Variants in AGL observed in about 807,000 individuals in gnomAD.
AGL encodes glycogen debranching enzyme.
Under a neutral mutation model 199.3 loss-of-function variants are expected in AGL, and 128 were observed. That is an observed-to-expected ratio of 0.64 (90% CI 0.56 to 0.74). The LOEUF (loss-of-function observed/expected upper bound fraction) is 0.74, where lower values mean the gene tolerates loss of function less well. AGL is among the 30% of genes least tolerant of loss of function. The pLI is 0.00. For missense variants in AGL, 1,809 were observed against 1,820.8 expected, an observed-to-expected ratio of 0.99 and a Z score of 0.12; for synonymous variants, 584 against 594.7, an observed-to-expected ratio of 0.98 and a Z score of 0.26.
intron 28 of AGL, 55 bp from the exon 29 acceptor site, chr1:99,912,350 A>G (rs1654805157): frequency 7.4e-7 from 1 of 1,345,794 alleles, no homozygotes; most frequent in Admixed American, 1.7e-5. Flanking sequence ...ATGCCCTTTA[A>G]ATAGTACTTA....
intron 2 of AGL, among the ~76,000 whole-genome samples, chr1:99,856,378 TCCTCCCTC>T (rs1230106991): frequency 2.6e-5 from 3 of 114,110 alleles, no homozygotes; most frequent in East Asian, 5.9e-4. Flanking sequence ...CTTCCTCCCT[TCCTCCCTC>T]CCTCCCTCCT....
rs1345708763 is a variant in AGL at position 99,855,375 on chromosome 1, TTCC to T, written c.82+4257_82+4259del. Among the ~76,000 whole-genome samples, 4 of 152,158 alleles carry T rather than the reference TTCC, an allele frequency of 2.6e-5. No homozygotes were observed. The East Asian group carries it at 5.8e-4, about 22-fold the overall frequency. ...CTTCTCTCTTTTCTACAAGAAGGAA[TTCC>T]TCCTCGTTTTTAAGACTGATATTTC... On this transcript the variant is annotated intron_variant, in intron 2 of 33. Transcript: ENST00000361915.
chr1:99,920,444 C>T (rs866854319), intron 33 of AGL, among the ~76,000 whole-genome samples: 1 of 152,168 alleles, frequency 6.6e-6, no homozygotes, highest in East Asian at 1.9e-4. Flanking sequence ...CTGAGGTACT[C>T]GGGGCTAGGA....
At chr1:99,861,863 G>A in intron 3 of AGL, 150 bp downstream of exon 3, 1 of 951,600 alleles carries the variant, frequency 1.1e-6, no homozygotes, top group Non-Finnish European at 1.6e-6. Context: ...TTGATTTCTA[G>A]GAGGTAATTT....
chr1:99,862,569 A>T, intron 4 of AGL, 146 bp downstream of exon 4: 1 of 945,720 alleles, frequency 1.1e-6, no homozygotes, highest in Non-Finnish European at 1.6e-6. Flanking sequence ...TAAAGAAAAG[A>T]GGTTTGACTC....
chr1:99,911,283 TAAG>T (rs1385686515), intron 28 of AGL, among the ~76,000 whole-genome samples: 2 of 152,254 alleles, frequency 1.3e-5, no homozygotes, highest in African/African-American at 2.4e-5. Flanking sequence ...GTTTGTCATT[TAAG>T]AAGTTTTTAT....
intron 2 of AGL, among the ~76,000 whole-genome samples, chr1:99,856,695 C>T (rs905189934): frequency 6.6e-6 from 1 of 152,084 alleles, no homozygotes; most frequent in Non-Finnish European, 1.5e-5. Context: ...GCACATCTTG[C>T]ACCACCCTTA....
chr1:99,905,067 G>C (rs1654154495), intron 27 of AGL, among the ~76,000 whole-genome samples: 1 of 152,138 alleles, frequency 6.6e-6, no homozygotes, highest in Non-Finnish European at 1.5e-5. Context: ...TTTCCAGAGT[G>C]TTTTACCATT....
At chr1:99,880,511 A>G (rs1368642767) in intron 13 of AGL, 121 bp from the exon 14 acceptor site, 37 of 1,178,944 alleles carry the variant, frequency 3.1e-5, no homozygotes, top group South Asian at 4.1e-5. Context: ...TCCTTAAAGC[A>G]GTTTTATTTT....
chr1:99,911,369 A>C (rs1388583109), intron 28 of AGL, among the ~76,000 whole-genome samples: 2 of 150,934 alleles, frequency 1.3e-5, no homozygotes, highest in Non-Finnish European at 3.0e-5. Flanking sequence ...CAAATAACGT[A>C]CTTTGTACCC....
chr1:99,920,639 C>T (rs746994763), intron 33 of AGL, among the ~76,000 whole-genome samples: 1 of 152,020 alleles, frequency 6.6e-6, no homozygotes, highest in South Asian at 2.1e-4. Context: ...AGTTATTATC[C>T]AAAATACCCT....
chr1:99,875,865 C>T (rs1367897558), intron 10 of AGL, among the ~76,000 whole-genome samples: 2 of 152,026 alleles, frequency 1.3e-5, no homozygotes, highest in African/African-American at 4.8e-5. Flanking sequence ...ACATCAATGC[C>T]TCAATTATGT....
intron 27 of AGL, among the ~76,000 whole-genome samples, chr1:99,903,199 C>T (rs1653982893): frequency 6.6e-6 from 1 of 152,116 alleles, no homozygotes; most frequent in Non-Finnish European, 1.5e-5. Flanking sequence ...AGGTTTGTTA[C>T]ATATGTATAC....
chr1:99,880,002 AC>A lies in AGL; in HGVS notation c.1692del (p.Asp564GlufsTer13), dbSNP rs1651877300. ...AELFTGSEDLDNVFVTRLGIS... is the reference protein window; with the variant it reads ...AELFTGSEDLXNVFVTRLGIS... ...CTGTTCACAGGAAGTGAAGATCTGG[AC>A]AATGTCTTTGTTACTAGACTGGGCA... is the stretch of plus-strand genomic sequence containing the variant. On this transcript the variant is annotated frameshift_variant, in exon 13 of 34. Transcript: ENST00000361915. LOFTEE classifies it high-confidence loss of function. 1 of 1,613,744 alleles carries A rather than the reference AC, an allele frequency of 6.2e-7. No homozygotes were observed.
chr1:99,870,877 A>C lies in AGL; in HGVS notation c.958+8A>C. 6.7e-7 allele frequency: 1 copy of C among 1,482,670 alleles called. No individual in the cohort carries two copies. Among genetic ancestry groups the C allele is most frequent in the South Asian group, 1.1e-5 (1 of 88,178 alleles). 91.8% of individuals were successfully genotyped at this position (1,482,670 alleles called of 1,614,324 possible). A position where few individuals can be genotyped will look rare whatever the true frequency, so the allele number is the denominator to read the frequency against. ...GAAGACTTCTTACACAAGGTAAAGGATACATACTAGAATGTTCCTATCGAT... is the reference window on the plus strand; with the variant it reads ...GAAGACTTCTTACACAAGGTAAAGGCTACATACTAGAATGTTCCTATCGAT... On this transcript the variant is annotated splice_region_variant and intron_variant, in intron 7 of 33. Coordinates refer to ENST00000361915, the MANE Select transcript of AGL (RefSeq NM_000642.3).
rs555962392 is a variant in AGL, at chr1:99,891,085, G to A, written c.2813-135G>A. ...TGTATTAAGCAGTGTTGTGGACTGG[G>A]TAGCCCTTGTGTGTGCCTCTAATAC... On this transcript the variant is annotated intron_variant, in intron 21 of 33. Coordinates refer to ENST00000361915, the MANE Select transcript of AGL (RefSeq NM_000642.3). 1.2e-4 allele frequency: 119 copies of A among 1,029,798 alleles called. No homozygotes were observed. In the East Asian group the frequency reaches 2.8e-3, roughly 24 times the overall value. 63.8% of individuals were successfully genotyped at this position (1,029,798 alleles called of 1,614,324 possible).
chr1:99,899,136 G>A (rs1273609246), intron 25 of AGL, among the ~76,000 whole-genome samples: 1 of 152,124 alleles, frequency 6.6e-6, no homozygotes, highest in African/African-American at 2.4e-5. Context: ...AATTGAAAGT[G>A]TCACTGTCTA....
At chr1:99,895,411 T>C (rs1653220577) in intron 24 of AGL, among the ~76,000 whole-genome samples, 1 of 152,216 alleles carries the variant, frequency 6.6e-6, no homozygotes. Flanking sequence ...GCCAGATAAC[T>C]TGAAGTGACA....
chr1:99,908,269 T>C (rs753983310), intron 27 of AGL, among the ~76,000 whole-genome samples: 4 of 152,058 alleles, frequency 2.6e-5, no homozygotes, highest in African/African-American at 9.7e-5. Flanking sequence ...AAAAAAAATA[T>C]AAACTGTCCC....
Sources: allele counts gnomAD v4.1 joint callset (sites outside exome capture counted in the v4.1 genomes callset), GRCh38; gene constraint gnomAD v4.1.1; transcripts MANE v1.5; gene names NCBI Gene and HGNC (gene_info 2026-07-23, HGNC 2026-07-21).